Variants in NOTCH4 observed in about 807,000 individuals in gnomAD.
The protein encoded by NOTCH4 is neurogenic locus notch homolog protein 4.
Under a neutral mutation model 189.0 loss-of-function variants are expected in NOTCH4, and 138 were observed. That is an observed-to-expected ratio of 0.73 (90% CI 0.64 to 0.84). NOTCH4 has a LOEUF of 0.84. Among genes scored for constraint, NOTCH4 ranks in the 40% least tolerant of loss-of-function variants. The probability of loss-of-function intolerance (pLI) is 0.00; values close to 1 mark genes in which losing one functional copy is unlikely to be tolerated. For synonymous variants in NOTCH4, 942 were observed against 1,032.8 expected, an observed-to-expected ratio of 0.91 and a Z score of 1.69; for missense variants, 2,286 against 2,605.4, an observed-to-expected ratio of 0.88 and a Z score of 2.67.
intron 15 of NOTCH4, 25 bp downstream of exon 15, chr6:32,213,110 C>CT (rs1385898194): frequency 1.3e-6 from 2 of 1,569,874 alleles, no homozygotes; most frequent in Non-Finnish European, 1.8e-6. Flanking sequence ...TTTCTCCCTT[C>CT]TAGGGGTCTT....
chr6:32,196,064 C>A lies in NOTCH4; in HGVS notation c.5385G>T (p.Leu1795=). Residue 1795 remains leucine (L), a synonymous_variant, in exon 30 of 30, where the codon CTG becomes CTT. Transcript: ENST00000375023. ...CCGGCGCTAGCCCAGCCTGGTCCCGCAGCTCTCGGGCTGCCCCCAGCCCCA... is the reference window on the plus strand; with the variant it reads ...CCGGCGCTAGCCCAGCCTGGTCCCGAAGCTCTCGGGCTGCCCCCAGCCCCA... The part of the protein sequence containing the change: ...LLLGLGAARE[L]RDQAGLAPAD... 1 of 1,593,596 alleles carries A rather than the reference C, an allele frequency of 6.3e-7. No homozygotes were observed. Among genetic ancestry groups the A allele is most frequent in the East Asian group, 2.3e-5 (1 of 44,440 alleles).
intron 19 of NOTCH4, 69 bp downstream of exon 19, chr6:32,204,068 T>C: frequency 1.1e-5 from 18 of 1,582,094 alleles, no homozygotes; most frequent in Middle Eastern, 2.1e-4. Context: ...GGGTGGAGAC[T>C]ATCTGGCTCT....
At position 32,195,921 on chromosome 6, in the gene NOTCH4, G is replaced by T; in HGVS notation, c.5528C>A (p.Ala1843Glu). Residue 1843 changes from alanine to glutamate, a missense_variant, in exon 30 of 30, where the codon GCA becomes GAA. Ala to Glu is a moderately radical substitution (Grantham distance 107). Coordinates refer to ENST00000375023, the MANE Select transcript of NOTCH4 (RefSeq NM_004557.4). This position sits in a 1 kb window ranked among gnomAD's most constrained non-coding sequence, Gnocchi z 5.4. ...PGREAGPFPR[A>E]RTVSVSVPPH... ...GGGCACGCTTACTGACACCGTCCGTGCGCGCGGGAAGGGCCCAGCCTCGCG... is the reference window on the plus strand; with the variant it reads ...GGGCACGCTTACTGACACCGTCCGTTCGCGCGGGAAGGGCCCAGCCTCGCG... 6.3e-7 allele frequency: 1 copy of T among 1,586,854 alleles called. No individual in the cohort carries two copies.
chr6:32,196,658 C>G (rs890617848), intron 28 of NOTCH4, among the ~76,000 whole-genome samples: 1 of 152,086 alleles, frequency 6.6e-6, no homozygotes, highest in African/African-American at 2.4e-5. Flanking sequence ...GAGACAGTCT[C>G]CCCCCACGAG....
chr6:32,220,123 C>G lies in NOTCH4; in HGVS notation c.1315+6G>C. On this transcript the variant is annotated splice_donor_region_variant and intron_variant, in intron 7 of 29. Coordinates refer to ENST00000375023, the MANE Select transcript of NOTCH4 (RefSeq NM_004557.4). ...CAGAGAGGCTCTGAAGTGGGAGTGG[C>G]CTCACCCATCAGACACTCGTCCAGG... is the stretch of plus-strand genomic sequence containing the variant. 1 of 1,613,004 alleles carries G rather than the reference C, an allele frequency of 6.2e-7. No homozygotes were observed. Among genetic ancestry groups the G allele is most frequent in the Non-Finnish European group, 8.5e-7 (1 of 1,179,828 alleles).
chr6:32,203,785 G>C lies in NOTCH4; in HGVS notation c.3216C>G (p.Ile1072Met). ...EATAGSPLGF[I>M]CHCPKGFEGP... ...GGTCACTTGCCTTGGGGCAGTGGCA[G>C]ATGAAACCCAGGGGTGATCCTGCTG... Residue 1072 changes from isoleucine to methionine, a missense_variant, in exon 20 of 30, where the codon ATC (isoleucine) becomes ATG (methionine). Physicochemically the swap from Ile to Met is conservative, Grantham distance 10. Around this residue, in one of 2 missense-constraint regions of NOTCH4, gnomAD observed 1,903 missense variants for 2,261.9 expected, o/e 0.84. Transcript: ENST00000375023. 2 of 1,556,310 alleles carry C rather than the reference G, an allele frequency of 1.3e-6. No homozygotes were observed. The highest frequency in any genetic ancestry group is 1.7e-6 in the Non-Finnish European group (2 of 1,149,720).
At position 32,214,487 on chromosome 6, in the gene NOTCH4, A is replaced by G. The variant is rs561855731; in HGVS notation, c.2022-232T>C. 5.9e-3 allele frequency among the ~76,000 whole-genome samples: 890 copies of G among 150,272 alleles called. 16 individuals are homozygous for G. Among genetic ancestry groups the G allele is most frequent in the South Asian group, 0.016 (78 of 4,732 alleles). ...TGGAGATATATATATATATATATAC[A>G]CACATATATATTCTTTCTGTAACTT... On this transcript the variant is annotated intron_variant, in intron 12 of 29. Transcript: ENST00000375023.
intron 20 of NOTCH4, 189 bp downstream of exon 20, chr6:32,203,581 T>C (rs901131927): frequency 3.6e-6 from 2 of 552,714 alleles, no homozygotes; most frequent in Non-Finnish European, 6.3e-6. Flanking sequence ...ATTCCATTCA[T>C]GCTATCAACT....
chr6:32,217,975 A>G lies in NOTCH4; in HGVS notation c.1624+20T>C. On this transcript the variant is annotated intron_variant, in intron 9 of 29. Transcript: ENST00000375023. This position sits in a 1 kb window ranked among gnomAD's most constrained non-coding sequence, Gnocchi z 4.2. ...AGAGGCCTGGGGTCTGAGGGTGGCCAGAGAGGCATCTGTACTCACCAGGCA... is the reference window on the plus strand; with the variant it reads ...AGAGGCCTGGGGTCTGAGGGTGGCCGGAGAGGCATCTGTACTCACCAGGCA... The G allele has an allele frequency of 6.5e-7, 1 of 1,532,176 alleles. No homozygotes were observed. Among genetic ancestry groups the G allele is most frequent in the Non-Finnish European group, 9.0e-7 (1 of 1,106,492 alleles). 94.9% of individuals were successfully genotyped at this position (1,532,176 alleles called of 1,614,324 possible).
At position 32,220,541 on chromosome 6, in the gene NOTCH4, G is replaced by A. The variant is rs779016849; in HGVS notation, c.1023C>T (p.Cys341=). The A allele has an allele frequency of 3.1e-6, 5 of 1,613,724 alleles. No individual in the cohort carries two copies. The highest frequency in any genetic ancestry group is 2.2e-5 in the South Asian group (2 of 91,082). ...TGCCGCCCCAGCCACTCACACACAC[G>A]CAGTGAAAGCTACCAGCAGAGTTCT... ...TCQNSAGSFH[C]VCVSGWGGTS... Residue 341 remains cysteine, a synonymous_variant, in exon 6 of 30, where the codon TGC becomes TGT. Transcript: ENST00000375023.
chr6:32,207,758 G>A (rs1788779886), intron 18 of NOTCH4, among the ~76,000 whole-genome samples: 1 of 151,780 alleles, frequency 6.6e-6, no homozygotes. Flanking sequence ...GCCGGGCACG[G>A]TGGGTCACAC....
At chr6:32,204,046 C>T (rs1332634996) in intron 19 of NOTCH4, 91 bp downstream of exon 19, 34 of 1,541,202 alleles carry the variant, frequency 2.2e-5, no homozygotes, top group South Asian at 8.3e-5. Flanking sequence ...GACCAGGTGA[C>T]GGCTGCCGCA....
chr6:32,211,919 G>T (rs1789047815), intron 17 of NOTCH4, among the ~76,000 whole-genome samples: 1 of 152,226 alleles, frequency 6.6e-6, no homozygotes, highest in Non-Finnish European at 1.5e-5. Flanking sequence ...TTCAAGGTAT[G>T]CCTCAAGTGA....
At position 32,198,639 on chromosome 6, in the gene NOTCH4, G is replaced by C; in HGVS notation, c.4617+10C>G. 1 of 1,611,394 alleles carries C rather than the reference G, an allele frequency of 6.2e-7. No homozygotes were observed. The highest frequency in any genetic ancestry group is 8.5e-7 in the Non-Finnish European group (1 of 1,179,150). On this transcript the variant is annotated intron_variant, in intron 25 of 29. Coordinates refer to ENST00000375023, the MANE Select transcript of NOTCH4 (RefSeq NM_004557.4). This position sits in a 1 kb window ranked among gnomAD's most constrained non-coding sequence, Gnocchi z 5.5. ...TCACCTCCAGACCATTCTTGCCCCAGCCCTTTCACCTGGCCCACCTCCTCT... is the reference window on the plus strand; with the variant it reads ...TCACCTCCAGACCATTCTTGCCCCACCCCTTTCACCTGGCCCACCTCCTCT...
chr6:32,221,477 C>G lies in NOTCH4; in HGVS notation c.452-152G>C. 1 of 645,020 alleles carries G rather than the reference C, an allele frequency of 1.6e-6. No individual in the cohort carries two copies. Among genetic ancestry groups the G allele is most frequent in the South Asian group, 1.9e-5 (1 of 51,412 alleles). 40.0% of individuals were successfully genotyped at this position (645,020 alleles called of 1,614,324 possible). A position where few individuals can be genotyped will look rare whatever the true frequency, so the allele number is the denominator to read the frequency against. On this transcript the variant is annotated intron_variant, in intron 3 of 29. Coordinates refer to ENST00000375023, the MANE Select transcript of NOTCH4 (RefSeq NM_004557.4). The surrounding 1 kb of genome is among the most constrained non-coding windows in gnomAD (Gnocchi z 4.3). ...ACTTTCTTTGCTCTGTTCCATCACC[C>G]CTGCTCTGAGCGATGTCATGGCTTG...
In NOTCH4 at chr6:32,212,916, A is replaced by G; in HGVS notation, c.2439-5T>C. ...GTTGCCCTATTCCTACAGGGGCTGA[A>G]CAAGACAGAGACAGGGCATGATAGG... On this transcript the variant is annotated splice_polypyrimidine_tract_variant and splice_region_variant and intron_variant, in intron 15 of 29. Transcript: ENST00000375023. This position sits in a 1 kb window ranked among gnomAD's most constrained non-coding sequence, Gnocchi z 4.4. 1 of 1,565,712 alleles carries G rather than the reference A, an allele frequency of 6.4e-7. No homozygotes were observed. Among genetic ancestry groups the G allele is most frequent in the Non-Finnish European group, 8.7e-7 (1 of 1,154,652 alleles).
At chr6:32,222,474 T>C in intron 3 of NOTCH4, 37 bp downstream of exon 3, 1 of 1,488,994 alleles carries the variant, frequency 6.7e-7, no homozygotes, top group East Asian at 2.4e-5. Flanking sequence ...CCATTGCTCC[T>C]GCCTGTCCCC....
At chr6:32,213,281 G>A (rs1417332582) in intron 14 of NOTCH4, 29 bp from the exon 15 acceptor site, 33 of 1,528,416 alleles carry the variant, frequency 2.2e-5, no homozygotes, top group Non-Finnish European at 2.9e-5. Flanking sequence ...GAGGGTTTGG[G>A]TTCCTTGCCT....
Position 32,204,397 on chromosome 6 carries a change from CA to C in NOTCH4, c.2866-9del, listed in dbSNP as rs1788549275. 1 of 1,612,186 alleles carries C rather than the reference CA, an allele frequency of 6.2e-7. No individual in the cohort carries two copies. The highest frequency in any genetic ancestry group is 8.5e-7 in the Non-Finnish European group (1 of 1,179,416). On this transcript the variant is annotated splice_polypyrimidine_tract_variant and intron_variant, in intron 18 of 29. Coordinates refer to ENST00000375023, the MANE Select transcript of NOTCH4 (RefSeq NM_004557.4). ...ATCGTAGCCTGGGGCACACTGCAGACAAAGAGGATTAGACAGGGAACCAGTG... is the reference window on the plus strand; with the variant it reads ...ATCGTAGCCTGGGGCACACTGCAGACAAGAGGATTAGACAGGGAACCAGTG...
Sources: allele counts gnomAD v4.1 joint callset (sites outside exome capture counted in the v4.1 genomes callset), GRCh38; gene constraint gnomAD v4.1.1; regional missense constraint gnomAD v4.1.1; non-coding constraint Gnocchi (gnomAD v3.1); transcripts MANE v1.5; gene names NCBI Gene and HGNC (gene_info 2026-07-23, HGNC 2026-07-21).